The following EEF1E1 variants were observed in gnomAD, a reference collection of about 807,000 sequenced individuals.
EEF1E1 encodes the protein eukaryotic translation elongation factor 1 epsilon 1, also known as eukaryotic translation elongation factor 1 epsilon-1.
A neutral mutation model predicts 19.9 loss-of-function variants in EEF1E1; 19 were observed. The ratio of observed to expected loss-of-function variants is 0.95; its 90% confidence interval spans 0.66 to 1.40. The LOEUF (loss-of-function observed/expected upper bound fraction) is 1.40, where lower values mean the gene tolerates loss of function less well. Ranked by LOEUF, EEF1E1 falls within the 40% of genes most tolerant of loss-of-function variation. The pLI, the probability that EEF1E1 is intolerant of heterozygous loss-of-function variation, is 0.00. For missense variants in EEF1E1, 198 were observed against 202.2 expected (o/e 0.98, Z 0.13); for synonymous variants, 81 against 80.0 (o/e 1.01, Z -0.07).
At chr6:8,102,313 G>A (rs942727592) in intron 1 of EEF1E1, 122 bp downstream of exon 1, 2 of 1,059,392 alleles carry the variant, frequency 1.9e-6, no homozygotes, top group Non-Finnish European at 2.6e-6. Context: ...GCAGACACGT[G>A]GGGAGCTGGG....
At chr6:8,101,085 G>A (rs1383318417) in intron 1 of EEF1E1, among the ~76,000 whole-genome samples, 1 of 149,402 alleles carries the variant, frequency 6.7e-6, no homozygotes, top group Non-Finnish European at 1.5e-5. Flanking sequence ...AATTAGCTGA[G>A]CGTGGTGGCG....
chr6:8,081,996 A>G (rs191430676), intron 3 of EEF1E1, among the ~76,000 whole-genome samples: 1 of 152,282 alleles, frequency 6.6e-6, no homozygotes, highest in Non-Finnish European at 1.5e-5. Context: ...CAAGTTGTTC[A>G]CCCAGATTTT....
At chr6:8,093,249 AC>A (rs1203171343) in intron 2 of EEF1E1, among the ~76,000 whole-genome samples, 4 of 151,704 alleles carry the variant, frequency 2.6e-5, no homozygotes, top group African/African-American at 9.7e-5. Context: ...TAAAATCTTT[AC>A]TACCAAAAGA....
At chr6:8,076,970 T>C (rs1431275642), downstream of EEF1E1, among the ~76,000 whole-genome samples, 1 of 109,464 alleles carries the variant, frequency 9.1e-6, no homozygotes, top group Non-Finnish European at 1.9e-5. Flanking sequence ...TGAGATGGAG[T>C]CTCGCGCTGT....
intron 3 of EEF1E1, among the ~76,000 whole-genome samples, chr6:8,081,666 T>C (rs1218083923): frequency 1.3e-5 from 2 of 152,224 alleles, no homozygotes; most frequent in East Asian, 3.8e-4. Flanking sequence ...GTACGATTTA[T>C]TAAAAGCTCA....
rs181798345 is a variant in EEF1E1, at chr6:8,101,938, C to T, written c.87+497G>A. ...AATTTAAATGGTTGCAATGTTTGTC[C>T]ACCTGGCCAAAAAGCAAGCTGCCTG... On this transcript the variant is annotated intron_variant, in intron 1 of 3. Coordinates refer to ENST00000379715, the MANE Select transcript of EEF1E1 (RefSeq NM_004280.5). 47 of 1,240,788 alleles carry T rather than the reference C, an allele frequency of 3.8e-5. No homozygotes were observed. In the East Asian group the frequency reaches 2.6e-3, roughly 69 times the overall value. The allele number at this position is 1,240,788 out of a possible 1,614,324, so 76.9% of individuals were successfully genotyped here.
chr6:8,087,352 G>A (rs1043690632), intron 3 of EEF1E1, among the ~76,000 whole-genome samples: 1 of 152,178 alleles, frequency 6.6e-6, no homozygotes, highest in African/African-American at 2.4e-5. Context: ...GGAGTAGCTG[G>A]GATTTCAGGC....
chr6:8,074,848 A>G (rs1013316909), downstream of EEF1E1, among the ~76,000 whole-genome samples: 6 of 152,168 alleles, frequency 3.9e-5, no homozygotes, highest in African/African-American at 1.4e-4. Context: ...TGTTCCATCA[A>G]TGTTGTGCAC....
rs762772442 is a variant in EEF1E1 at position 8,102,531 on chromosome 6, G to T, written c.-10C>A. The T allele has an allele frequency of 6.2e-7, 1 of 1,609,020 alleles. No homozygotes were observed. The highest frequency in any genetic ancestry group is 8.5e-7 in the Non-Finnish European group (1 of 1,179,854). ...CTGCGGCCGCCGCCATCTTCCGGCC[G>T]TAGCTCCTGGCAGACGCGAGACCTG... On this transcript the variant is annotated 5_prime_UTR_variant, in exon 1 of 4. Transcript: ENST00000379715.
chr6:8,088,711 T>TAATAC (rs1377029073), intron 3 of EEF1E1, among the ~76,000 whole-genome samples: 2 of 152,102 alleles, frequency 1.3e-5, no homozygotes, highest in African/African-American at 4.8e-5. Context: ...GAAAATGGAC[T>TAATAC]AATACAAATG....
intron 1 of EEF1E1, among the ~76,000 whole-genome samples, chr6:8,099,785 C>CAAAAAAA (rs1158370694): frequency 1.1e-5 from 1 of 94,386 alleles, no homozygotes; most frequent in African/African-American, 5.4e-5. Flanking sequence ...CACACACACA[C>CAAAAAAA]ACACACAAAA....
chr6:8,074,277 T>C (rs1757543141), intron 3 of EEF1E1, among the ~76,000 whole-genome samples: 1 of 152,226 alleles, frequency 6.6e-6, no homozygotes, highest in South Asian at 2.1e-4. Context: ...CTGATGTTAC[T>C]GGGCCTTTCT....
At chr6:8,099,604 G>A (rs1398226350) in intron 1 of EEF1E1, among the ~76,000 whole-genome samples, 4 of 151,908 alleles carry the variant, frequency 2.6e-5, no homozygotes, top group Non-Finnish European at 4.4e-5. Flanking sequence ...AAAATTAGCC[G>A]GGCGTGGTGG....
chr6:8,102,289 A>T, intron 1 of EEF1E1, 146 bp downstream of exon 1: 1 of 980,406 alleles, frequency 1.0e-6, no homozygotes, highest in Non-Finnish European at 1.4e-6. Context: ...CAGAGGCGCC[A>T]GCCGGCTAGC....
At chr6:8,099,226 GT>G (rs1183759507) in intron 1 of EEF1E1, among the ~76,000 whole-genome samples, 7 of 152,248 alleles carry the variant, frequency 4.6e-5, no homozygotes, top group Non-Finnish European at 8.8e-5. Context: ...GGTCAACGAT[GT>G]TCTGGATGGC....
chr6:8,083,700 T>C (rs922245432), intron 3 of EEF1E1, among the ~76,000 whole-genome samples: 18 of 152,256 alleles, frequency 1.2e-4, no homozygotes, highest in African/African-American at 4.3e-4. Flanking sequence ...GTTCCTTGAC[T>C]GCTGTTTTGT....
chr6:8,077,091 C>G (rs577891189), downstream of EEF1E1, among the ~76,000 whole-genome samples: 10 of 152,076 alleles, frequency 6.6e-5, no homozygotes, highest in African/African-American at 1.7e-4. Flanking sequence ...CTACAGGCGC[C>G]CGCCACCACA....
At chr6:8,077,784 A>T (rs1757633842), downstream of EEF1E1, among the ~76,000 whole-genome samples, 1 of 152,126 alleles carries the variant, frequency 6.6e-6, no homozygotes, top group Non-Finnish European at 1.5e-5. Context: ...TCACTGGAGT[A>T]GCACTTTTAT....
intron 3 of EEF1E1, chr6:8,089,892 GA>G: frequency 2.9e-6 from 1 of 343,402 alleles, no homozygotes; most frequent in African/African-American, 2.1e-5. Context: ...CAAGGTCAAG[GA>G]AAAGGAAGCA....
Sources: gnomAD v4.1 joint callset for allele counts (sites outside exome capture counted in the v4.1 genomes callset) on GRCh38, gnomAD v4.1.1 for gene constraint, MANE v1.5 for transcripts, NCBI Gene and HGNC (gene_info 2026-07-23, HGNC 2026-07-21) for gene names.